The following RAD51 variants were observed in gnomAD, a reference collection of about 807,000 sequenced individuals.
RAD51 encodes the protein RAD51 recombinase.
RAD51 carries 14 observed loss-of-function variants against 41.5 expected under a neutral mutation model. The observed-to-expected ratio is 0.34, with a 90% CI of 0.22 to 0.53. The LOEUF (loss-of-function observed/expected upper bound fraction) is 0.53. Ranked by LOEUF, RAD51 falls within the 20% of genes least tolerant of loss-of-function variation. RAD51 has a pLI of 0.95. For synonymous variants in RAD51, 136 were observed against 148.6 expected (o/e 0.92, Z 0.62); for missense variants, 234 against 422.0 (o/e 0.55, Z 3.90).
intron 5 of RAD51, among the ~76,000 whole-genome samples, chr15:40,709,789 A>G (rs1019389981): frequency 3.3e-5 from 5 of 152,234 alleles, no homozygotes; most frequent in Admixed American, 2.6e-4. Flanking sequence ...AAACTCATCT[A>G]TCTTCTCAGT....
chr15:40,729,876 T>C lies in RAD51; in HGVS notation c.798T>C (p.Thr266=). 1 of 1,614,232 alleles carries C rather than the reference T, an allele frequency of 6.2e-7. No homozygotes were observed. ...AGTTTGGTGTAGCAGTGGTAATCAC[T>C]AATCAGGTGGTAGCTCAAGTGGATG... ...ADEFGVAVVI[T]NQVVAQVDGA... The change falls in exon 9 of 10, where the codon ACT becomes ACC. Residue 266 remains threonine (T), a synonymous_variant. Transcript: ENST00000267868.
intron 3 of RAD51, among the ~76,000 whole-genome samples, chr15:40,702,119 G>A (rs536138086): frequency 3.9e-5 from 6 of 152,204 alleles, no homozygotes; most frequent in South Asian, 2.1e-4. Flanking sequence ...TTCACGTATC[G>A]ATTACTGTTA....
At chr15:40,700,925 C>G (rs1341569432) in intron 2 of RAD51, 139 bp from the exon 3 acceptor site, 4 of 787,770 alleles carry the variant, frequency 5.1e-6, no homozygotes, top group Non-Finnish European at 7.7e-6. Context: ...TCCCATCTCC[C>G]CCCGCCCCCC....
At chr15:40,701,912 T>G (rs898699726) in intron 3 of RAD51, 4 of 371,018 alleles carry the variant, frequency 1.1e-5, no homozygotes, top group Non-Finnish European at 2.1e-5. Context: ...GCCTCCCGAG[T>G]AGTTGGGACT....
intron 2 of RAD51, among the ~76,000 whole-genome samples, chr15:40,700,428 AT>A (rs901449565): frequency 2.0e-5 from 3 of 152,192 alleles, no homozygotes; most frequent in African/African-American, 7.2e-5. Context: ...AGCCTTATCT[AT>A]TTACCCTACC....
chr15:40,711,382 G>A (rs1303546874), intron 5 of RAD51, among the ~76,000 whole-genome samples: 1 of 152,178 alleles, frequency 6.6e-6, no homozygotes, highest in Admixed American at 6.6e-5. Context: ...GACTGGGATC[G>A]TGCCACTGCA....
intron 5 of RAD51, among the ~76,000 whole-genome samples, chr15:40,714,086 C>T (rs1386495973): frequency 2.0e-5 from 3 of 149,260 alleles, no homozygotes; most frequent in Admixed American, 6.8e-5. Flanking sequence ...ACCTCAGCCT[C>T]CCACATAGCT....
At chr15:40,715,558 A>T (rs1484268261) in intron 5 of RAD51, among the ~76,000 whole-genome samples, 2 of 152,226 alleles carry the variant, frequency 1.3e-5, no homozygotes, top group African/African-American at 4.8e-5. Context: ...CTAAGCAGTT[A>T]TTAAGAAGAG....
intron 5 of RAD51, among the ~76,000 whole-genome samples, chr15:40,714,854 A>G (rs1895907129): frequency 6.6e-6 from 1 of 152,228 alleles, no homozygotes; most frequent in African/African-American, 2.4e-5. Flanking sequence ...GAATTAGCCC[A>G]TGCTTGTTCA....
chr15:40,706,370 T>C, intron 4 of RAD51, 76 bp downstream of exon 4: 1 of 1,164,246 alleles, frequency 8.6e-7, no homozygotes, highest in Admixed American at 1.7e-5. Flanking sequence ...ACTGAAATAT[T>C]TGTGTAGCAT....
rs546518151 is a variant in RAD51, at chr15:40,708,876, A to G, written c.344-149A>G. The G allele has an allele frequency of 1.0e-4, 77 of 765,238 alleles. No individual in the cohort carries two copies. The East Asian group carries it at 2.1e-3, about 21-fold the overall frequency. The allele number at this position is 765,238 out of a possible 1,614,324, so 47.4% of individuals were successfully genotyped here. On this transcript the variant is annotated intron_variant, in intron 4 of 9. Transcript: ENST00000267868. The stretch of plus-strand genomic sequence containing the variant: ...GGCATGAGCCACCACGGCTAGCCTC[A>G]AAATACATTTGTGAAAAATTATCGC...
At position 40,718,798 on chromosome 15, in the gene RAD51, T is replaced by C; in HGVS notation, c.436-7T>C. 2.5e-6 allele frequency: 4 copies of C among 1,598,124 alleles called. No individual in the cohort carries two copies. Among genetic ancestry groups the C allele is most frequent in the Non-Finnish European group, 3.4e-6 (4 of 1,165,564 alleles). The stretch of plus-strand genomic sequence containing the variant: ...TTCATTTCTACTGTTGTTTTTGTTC[T>C]CTATAGCTTCCCATTGACCGGGGTG... On this transcript the variant is annotated splice_region_variant and splice_polypyrimidine_tract_variant and intron_variant, in intron 5 of 9. Coordinates refer to ENST00000267868, the MANE Select transcript of RAD51 (RefSeq NM_002875.5).
At chr15:40,701,302 C>G in intron 3 of RAD51, 101 bp downstream of exon 3, 1 of 1,302,310 alleles carries the variant, frequency 7.7e-7, no homozygotes, top group South Asian at 1.2e-5. Flanking sequence ...CTTCGGTCAT[C>G]TCATTATCCT....
chr15:40,697,574 C>CTTTTT (rs11340353), intron 1 of RAD51, among the ~76,000 whole-genome samples: 63 of 105,512 alleles, frequency 6.0e-4, no homozygotes, highest in African/African-American at 1.1e-3. Flanking sequence ...GATGATATTT[C>CTTTTT]TTTTTTTTTT....
chr15:40,716,724 G>A (rs529932353), intron 5 of RAD51, among the ~76,000 whole-genome samples: 174 of 135,934 alleles, frequency 1.3e-3, no homozygotes, highest in African/African-American at 4.7e-3. Context: ...GTAGTGGCAC[G>A]ATCTCGGCTC....
chr15:40,706,171 TC>T lies in RAD51; in HGVS notation c.226-3del. On this transcript the variant is annotated splice_region_variant and splice_polypyrimidine_tract_variant and intron_variant, in intron 3 of 9. Coordinates refer to ENST00000267868, the MANE Select transcript of RAD51 (RefSeq NM_002875.5). The stretch of plus-strand genomic sequence containing the variant: ...TTGTTGATTTAATATTTCTTATTTT[TC>T]CCAGGCTGAGGCAGCTAAATTAGTT... 1 of 1,605,526 alleles carries T rather than the reference TC, an allele frequency of 6.2e-7. No individual in the cohort carries two copies. The highest frequency in any genetic ancestry group is 8.5e-7 in the Non-Finnish European group (1 of 1,172,160).
chr15:40,730,903 T>C, intron 9 of RAD51, 152 bp from the exon 10 acceptor site: 1 of 995,020 alleles, frequency 1.0e-6, no homozygotes, highest in Non-Finnish European at 1.5e-6. Context: ...TCTGCCAGGT[T>C]GGAAATGCAC....
In RAD51 at chr15:40,706,183, G is replaced by T. The variant is rs1335853382; in HGVS notation, c.232G>T (p.Ala78Ser). The T allele has an allele frequency of 1.2e-6, 2 of 1,612,808 alleles. No individual in the cohort carries two copies. The highest frequency in any genetic ancestry group is 4.5e-5 in the East Asian group (2 of 44,868). ...EAKADKILAE[A>S]AKLVPMGFTT... The stretch of plus-strand genomic sequence containing the variant: ...TATTTCTTATTTTTCCCAGGCTGAG[G>T]CAGCTAAATTAGTTCCAATGGGTTT... The change falls in exon 4 of 10, where the codon GCA (alanine) becomes TCA (serine). Residue 78 changes from alanine to serine, a missense_variant. This residue lies in a region of RAD51 where 100 missense variants were observed against 135.5 expected (regional missense o/e 0.74). Transcript: ENST00000267868.
intron 5 of RAD51, among the ~76,000 whole-genome samples, chr15:40,709,574 A>G (rs1321940077): frequency 6.6e-6 from 1 of 151,750 alleles, no homozygotes; most frequent in Non-Finnish European, 1.5e-5. Context: ...GGGTTTCACC[A>G]TGTTGGCCAG....
Sources: allele counts gnomAD v4.1 joint callset (sites outside exome capture counted in the v4.1 genomes callset), GRCh38; gene constraint gnomAD v4.1.1; regional missense constraint gnomAD v4.1.1; transcripts MANE v1.5; gene names NCBI Gene and HGNC (gene_info 2026-07-23, HGNC 2026-07-21).